Variants in OR51B5 observed in about 807,000 individuals in gnomAD.
OR51B5 encodes the protein olfactory receptor 51B5.
For missense variants in OR51B5, 456 were observed against 374.6 expected (o/e 1.22, Z -1.79); for synonymous variants, 186 against 144.8 (o/e 1.28, Z -2.04).
chr11:5,500,204 T>C (rs1013553817), intron 1 of OR51B5, among the ~76,000 whole-genome samples: 1 of 152,236 alleles, frequency 6.6e-6, no homozygotes, highest in African/African-American at 2.4e-5. Context: ...GCTTCTTTGC[T>C]CTTGCAGTAG....
chr11:5,480,062 T>C (rs986017919), intron 1 of OR51B5, among the ~76,000 whole-genome samples: 6 of 151,860 alleles, frequency 4.0e-5, no homozygotes, highest in African/African-American at 1.2e-4. Flanking sequence ...AATATACATT[T>C]TTTTCAGCAC....
chr11:5,441,881 T>C lies in OR51B5; in HGVS notation n.84+63688A>G, dbSNP rs574134043. 2.0e-5 allele frequency among the ~76,000 whole-genome samples: 3 copies of C among 152,328 alleles called. No homozygotes were observed. In the East Asian group the frequency reaches 5.8e-4, roughly 29 times the overall value. On this transcript the variant is annotated intron_variant and non_coding_transcript_variant, in intron 1 of 4. Transcript: ENST00000415970. ...TGGTAGATAGCATAGATGGAACATC[T>C]ACTACTATAAATTTACAGATTCAAT...
intron 1 of OR51B5, among the ~76,000 whole-genome samples, chr11:5,444,248 G>GT (rs34707274): frequency 0.48 from 73,620 of 151,892 alleles, 19,360 homozygotes; most frequent in Non-Finnish European, 0.59. Flanking sequence ...AATGACTTCA[G>GT]TCATTTGGTT....
intron 1 of OR51B5, among the ~76,000 whole-genome samples, chr11:5,497,375 G>A (rs1371780437): frequency 2.0e-5 from 3 of 152,160 alleles, no homozygotes; most frequent in Non-Finnish European, 4.4e-5. Flanking sequence ...TCGCTCCATT[G>A]CACTCCAGCC....
At chr11:5,422,739 A>G (rs58283839) in intron 1 of OR51B5, 8 of 1,613,700 alleles carry the variant, frequency 5.0e-6, no homozygotes, top group Middle Eastern at 1.6e-4. Flanking sequence ...TCTCGCTCCT[A>G]TTGCCTCCAC....
chr11:5,363,355 T>TG (rs1182395350), intron 1 of OR51B5, among the ~76,000 whole-genome samples: 3 of 58,978 alleles, frequency 5.1e-5, no homozygotes, highest in Non-Finnish European at 8.4e-5. Context: ...TTTTTTTGGT[T>TG]TTTGTTTTTT....
At chr11:5,495,285 TGGTAAA>T (rs1017626709) in intron 1 of OR51B5, among the ~76,000 whole-genome samples, 3 of 152,156 alleles carry the variant, frequency 2.0e-5, no homozygotes, top group African/African-American at 4.8e-5. Context: ...TGAAACTCAC[TGGTAAA>T]GGTAAGTATA....
chr11:5,372,824 A>G (rs1849465878), intron 1 of OR51B5, among the ~76,000 whole-genome samples: 1 of 152,168 alleles, frequency 6.6e-6, no homozygotes. Context: ...AAACAATTTG[A>G]AAATTTGTAT....
chr11:5,420,666 AG>A (rs1361163171), intron 1 of OR51B5, among the ~76,000 whole-genome samples: 23 of 152,086 alleles, frequency 1.5e-4, no homozygotes, highest in Admixed American at 7.2e-4. Flanking sequence ...GTCTTCACAA[AG>A]GAAAGATTTA....
At chr11:5,504,619 T>A (rs1846347044) in intron 1 of OR51B5, among the ~76,000 whole-genome samples, 1 of 152,064 alleles carries the variant, frequency 6.6e-6, no homozygotes, top group East Asian at 1.9e-4. Context: ...TAGCCTTTAT[T>A]TTCCCAAGCA....
intron 1 of OR51B5, among the ~76,000 whole-genome samples, chr11:5,399,957 C>T (rs1328449163): frequency 2.0e-5 from 3 of 152,118 alleles, no homozygotes; most frequent in South Asian, 4.1e-4. Flanking sequence ...AGTAAGGCAG[C>T]ACACGGGAAG....
chr11:5,422,730 C>G, intron 1 of OR51B5: 1 of 1,614,068 alleles, frequency 6.2e-7, no homozygotes, highest in Non-Finnish European at 8.5e-7. Context: ...CACCTTCTCT[C>G]TCGCTCCTAT....
chr11:5,366,683 G>A (rs946560480), intron 1 of OR51B5, among the ~76,000 whole-genome samples: 27 of 150,906 alleles, frequency 1.8e-4, no homozygotes, highest in Non-Finnish European at 3.4e-4. Context: ...AGAAGAAGAA[G>A]AAGGAGAAGG....
At chr11:5,342,211 C>A (rs1848906360), downstream of OR51B5, among the ~76,000 whole-genome samples, 1 of 152,130 alleles carries the variant, frequency 6.6e-6, no homozygotes, top group Non-Finnish European at 1.5e-5. Context: ...AAACTCTATT[C>A]CATTTCACTC....
Position 5,342,879 on chromosome 11 carries a change from A to G in OR51B5, c.646T>C (p.Tyr216His), listed in dbSNP as rs1848920349. The G allele has an allele frequency of 1.9e-6, 3 of 1,612,936 alleles. No individual in the cohort carries two copies. The African/African-American group carries it at 4.0e-5, about 22-fold the overall frequency. ...AGGACAGTCTTGAGTATCAACACAT[A>G]GGAGATGAAGATAATCAGATAATCC... The change falls in exon 1 of 1, where the codon TAT (tyrosine) becomes CAT (histidine). Residue 216 changes from tyrosine to histidine, a missense_variant. Physicochemically the swap from Tyr to His is moderately conservative, Grantham distance 83 (BLOSUM62 2). Transcript: ENST00000300773.
At chr11:5,367,404 T>G (rs1451992716) in intron 1 of OR51B5, among the ~76,000 whole-genome samples, 1 of 152,176 alleles carries the variant, frequency 6.6e-6, no homozygotes, top group East Asian at 1.9e-4. Flanking sequence ...CCCATTTTTA[T>G]GGTTATTTAT....
intron 1 of OR51B5, among the ~76,000 whole-genome samples, chr11:5,395,592 A>G (rs1051654087): frequency 3.3e-5 from 5 of 152,206 alleles, no homozygotes; most frequent in African/African-American, 1.2e-4. Flanking sequence ...GCAAGGAAAC[A>G]TAATCTCAGC....
At chr11:5,478,566 C>T (rs1254533203) in intron 1 of OR51B5, among the ~76,000 whole-genome samples, 1 of 150,266 alleles carries the variant, frequency 6.7e-6, no homozygotes, top group African/African-American at 2.4e-5. Flanking sequence ...TTACTCTGAG[C>T]TACGGGAGGA....
intron 1 of OR51B5, among the ~76,000 whole-genome samples, chr11:5,458,416 G>A (rs115193605): frequency 0.018 from 2,681 of 152,212 alleles, 88 homozygotes; most frequent in African/African-American, 0.061. Flanking sequence ...TGTTATTTTT[G>A]TTTAGGAACG....
Sources: gnomAD v4.1 joint callset for allele counts (sites outside exome capture counted in the v4.1 genomes callset) on GRCh38, gnomAD v4.1.1 for gene constraint, MANE v1.5 for transcripts, NCBI Gene and HGNC (gene_info 2026-07-23, HGNC 2026-07-21) for gene names.